The following RBFOX2 variants were observed in gnomAD, a reference collection of about 807,000 sequenced individuals.
RBFOX2 encodes RNA binding protein fox-1 homolog 2.
A neutral mutation model predicts 49.1 loss-of-function variants in RBFOX2; 10 were observed. That is an observed-to-expected ratio of 0.20 (90% CI 0.13 to 0.35). RBFOX2 has a LOEUF of 0.35. Among genes scored for constraint, RBFOX2 ranks in the 10% least tolerant of loss-of-function variants. The probability of loss-of-function intolerance (pLI) is 1.00; values close to 1 mark genes in which losing one functional copy is unlikely to be tolerated. For missense variants in RBFOX2, 323 were observed against 486.9 expected, an observed-to-expected ratio of 0.66 and a Z score of 3.17; for synonymous variants, 183 against 187.4, an observed-to-expected ratio of 0.98 and a Z score of 0.19.
intron 6 of RBFOX2, 65 bp from the exon 8 acceptor site, chr22:35,761,533 G>C (rs1938868486): frequency 6.4e-7 from 1 of 1,567,014 alleles, no homozygotes; most frequent in African/African-American, 1.4e-5. Flanking sequence ...ATCAGTGCAT[G>C]TCAAGTTGGC....
intron 1 of RBFOX2, chr22:35,997,109 G>T (rs2058224296): frequency 6.6e-6 from 1 of 152,182 alleles, no homozygotes; most frequent in African/African-American, 2.4e-5. Flanking sequence ...TGAGACTTAG[G>T]AAACTAATAA....
At chr22:35,794,652 T>C (rs1362114912) in intron 2 of RBFOX2, among the ~76,000 whole-genome samples, 1 of 151,156 alleles carries the variant, frequency 6.6e-6, no homozygotes, top group African/African-American at 2.4e-5. Flanking sequence ...AGTAAGACTC[T>C]GTCTCAAAAA....
chr22:35,916,809 T>C (rs2050470550), intron 1 of RBFOX2, among the ~76,000 whole-genome samples: 1 of 151,582 alleles, frequency 6.6e-6, no homozygotes, highest in Non-Finnish European at 1.5e-5. Flanking sequence ...CAGGAGGTTT[T>C]GCAGCAAGCC....
intron 1 of RBFOX2, among the ~76,000 whole-genome samples, chr22:35,828,421 G>C (rs913539831): frequency 3.3e-5 from 5 of 152,172 alleles, no homozygotes; most frequent in Admixed American, 2.6e-4. Context: ...AGACCTAGAA[G>C]TCTGGAGAAG....
rs181670772 is a variant in RBFOX2, at chr22:35,989,144, A to G, written c.186+39096T>C. Among the ~76,000 whole-genome samples the G allele has an allele frequency of 3.6e-3, 547 of 152,370 alleles. 1 individual carries two copies. The highest frequency in any genetic ancestry group is 5.4e-3 in the Non-Finnish European group (368 of 68,038). On this transcript the variant is annotated intron_variant, in intron 1 of 13. Coordinates refer to the RBFOX2 transcript ENST00000438146. ...GATACAGACATCCTAAGTGCAGGAA[A>G]GAGATCTAGGCTACAGACAGCAATT...
At position 35,912,180 on chromosome 22, in the gene RBFOX2, T is replaced by C. The variant is rs1330926306; in HGVS notation, c.-34+26667A>G. Among the ~76,000 whole-genome samples, 6 of 152,174 alleles carry C rather than the reference T, an allele frequency of 3.9e-5. No homozygotes were observed. In the East Asian group the frequency reaches 1.2e-3, roughly 29 times the overall value. On this transcript the variant is annotated intron_variant, in intron 1 of 13. Transcript: ENST00000359369. ...TGGATGGCAGAAACAGCATACTACG[T>C]ATACTTCTCTTATATGAATCTCTCA...
At chr22:35,891,532 TAAG>T (rs1347993528) in intron 1 of RBFOX2, among the ~76,000 whole-genome samples, 4 of 152,202 alleles carry the variant, frequency 2.6e-5, no homozygotes, top group South Asian at 2.1e-4. Context: ...ACTGATTTAT[TAAG>T]AAGACAGAAT....
At chr22:35,741,554 A>G (rs564316384) in exon 12 of RBFOX2, 2 of 152,750 alleles carry the variant, frequency 1.3e-5, no homozygotes, top group African/African-American at 4.8e-5. Flanking sequence ...AAGAGCCCCA[A>G]TTCTCAGTGT....
intron 1 of RBFOX2, among the ~76,000 whole-genome samples, chr22:35,874,463 A>C (rs545460272): frequency 6.6e-6 from 1 of 152,318 alleles, no homozygotes; most frequent in Admixed American, 6.5e-5. Flanking sequence ...AGACATAAAA[A>C]ACATAAAGGA....
In RBFOX2 at chr22:35,781,386, C is replaced by T. The variant is rs563413097; in HGVS notation, c.399+214G>A. Among the ~76,000 whole-genome samples the T allele has an allele frequency of 9.2e-5, 14 of 152,304 alleles. No individual in the cohort carries two copies. The South Asian group carries it at 2.1e-3, about 23-fold the overall frequency. ...TCAGTCACAGCAAGCTGGGTCATAT[C>T]GCCACCTTATGTGTGCAGCCACCTG... On this transcript the variant is annotated intron_variant, in intron 3 of 11. Coordinates refer to ENST00000405409, the Ensembl canonical transcript of RBFOX2.
chr22:35,905,683 C>T lies in RBFOX2; in HGVS notation c.-34+33164G>A, dbSNP rs535481155. 1.3e-4 allele frequency among the ~76,000 whole-genome samples: 20 copies of T among 152,242 alleles called. 1 individual carries two copies. The South Asian group carries it at 3.5e-3, about 27-fold the overall frequency. ...AGATATGTAAGTAAGACATGACTCT[C>T]CTGTTTAATGAATTATGGCTTATCC... On this transcript the variant is annotated intron_variant, in intron 1 of 13. Coordinates refer to the RBFOX2 transcript ENST00000359369.
intron 1 of RBFOX2, among the ~76,000 whole-genome samples, chr22:35,929,011 C>T (rs1424644457): frequency 6.6e-6 from 1 of 152,146 alleles, no homozygotes; most frequent in African/African-American, 2.4e-5. Context: ...ACCAGCTACT[C>T]AGGGAGGCTG....
intron 1 of RBFOX2, among the ~76,000 whole-genome samples, chr22:35,953,715 T>C (rs886711721): frequency 6.6e-6 from 1 of 152,202 alleles, no homozygotes; most frequent in African/African-American, 2.4e-5. Flanking sequence ...TACACCACAG[T>C]ACAAATGAAG....
chr22:35,800,016 C>A (rs1949487293), intron 2 of RBFOX2, among the ~76,000 whole-genome samples: 1 of 151,714 alleles, frequency 6.6e-6, no homozygotes, highest in Admixed American at 6.6e-5. Context: ...CAAGTAATTT[C>A]CAAAGCATTT....
At chr22:35,745,411 A>G (rs894842161) in intron 11 of RBFOX2, among the ~76,000 whole-genome samples, 7 of 152,248 alleles carry the variant, frequency 4.6e-5, no homozygotes, top group African/African-American at 1.7e-4. Flanking sequence ...CACAATTGTT[A>G]TCAATAATCA....
Position 36,006,650 on chromosome 22 carries a change from T to C in RBFOX2, c.186+21590A>G, listed in dbSNP as rs939911748. Among the ~76,000 whole-genome samples the C allele has an allele frequency of 3.3e-5, 5 of 152,338 alleles. No homozygotes were observed. In the South Asian group the frequency reaches 8.3e-4, roughly 25 times the overall value. ...GATGAACTAACTACCAACGACACTT[T>C]GGGCAAATCCCTTGCTCGCATGCCC... On this transcript the variant is annotated intron_variant, in intron 1 of 13. Coordinates refer to the RBFOX2 transcript ENST00000438146.
At chr22:35,855,069 G>T (rs1014193976) in intron 1 of RBFOX2, among the ~76,000 whole-genome samples, 9 of 151,992 alleles carry the variant, frequency 5.9e-5, no homozygotes, top group African/African-American at 1.7e-4. Flanking sequence ...TTATCAAAAT[G>T]ATTTTAAAAA....
At chr22:35,826,342 CAAAAAAAAAA>C (rs1160241662) in intron 1 of RBFOX2, among the ~76,000 whole-genome samples, 1 of 62,212 alleles carries the variant, frequency 1.6e-5, no homozygotes, top group African/African-American at 5.4e-5. Context: ...AACTCCATCT[CAAAAAAAAAA>C]AAAAAAAAAA....
intron 1 of RBFOX2, among the ~76,000 whole-genome samples, chr22:35,883,330 C>G (rs2046167492): frequency 6.6e-6 from 1 of 152,230 alleles, no homozygotes; most frequent in Admixed American, 6.5e-5. Context: ...CCATAGATCT[C>G]TCCAAGAGGA....
Sources: gnomAD v4.1 joint callset for allele counts (sites outside exome capture counted in the v4.1 genomes callset) on GRCh38, gnomAD v4.1.1 for gene constraint, MANE v1.5 for transcripts, NCBI Gene and HGNC (gene_info 2026-07-23, HGNC 2026-07-21) for gene names.